The following POLR3C variants were observed in gnomAD, a reference collection of about 807,000 sequenced individuals.
POLR3C encodes DNA-directed RNA polymerase III subunit RPC3.
In POLR3C, 44 loss-of-function variants were observed where a neutral mutation model predicts 65.9. The ratio of observed to expected loss-of-function variants is 0.67; its 90% CI spans 0.52 to 0.86. The LOEUF (loss-of-function observed/expected upper bound fraction) is 0.86. Among genes scored for constraint, POLR3C ranks in the 40% least tolerant of loss-of-function variants. POLR3C has a pLI of 0.00. For missense variants in POLR3C, 576 were observed against 653.2 expected (o/e 0.88, Z 1.29); for synonymous variants, 263 against 231.6 (o/e 1.14, Z -1.23).
In POLR3C at chr1:145,841,012, G is replaced by A; in HGVS notation, c.1464G>A (p.Glu488=). 3 of 1,613,466 alleles carry A rather than the reference G, an allele frequency of 1.9e-6. No individual in the cohort carries two copies. Among genetic ancestry groups the A allele is most frequent in the Non-Finnish European group, 2.5e-6 (3 of 1,179,400 alleles). The change falls in exon 14 of 15, where the codon GAG becomes GAA. Residue 488 remains glutamate, a synonymous_variant. Transcript: ENST00000334163. ...AGGAAGCACAGTTACAAGAAATAGAGGAGATGATCACAGCTCCTGAACGTC... is the reference window on the plus strand; with the variant it reads ...AGGAAGCACAGTTACAAGAAATAGAAGAGATGATCACAGCTCCTGAACGTC... ...GAEEAQLQEI[E]EMITAPERQQ...
intron 5 of POLR3C, among the ~76,000 whole-genome samples, chr1:145,829,871 A>C (rs926661473): frequency 1.3e-5 from 2 of 152,070 alleles, no homozygotes; most frequent in Non-Finnish European, 1.5e-5. Flanking sequence ...ACCATTGCCC[A>C]CTCCTACACT....
rs1553730962 is a variant in POLR3C at position 145,842,793 on chromosome 1, T to TGATCGATAGATAGATAGATAGATA, written c.*376_*377insCGATAGATAGATAGATAGATAGAT. Among the ~76,000 whole-genome samples, 3 of 142,302 alleles carry TGATCGATAGATAGATAGATAGATA rather than the reference T, an allele frequency of 2.1e-5. No individual in the cohort carries two copies. Among genetic ancestry groups the TGATCGATAGATAGATAGATAGATA allele is most frequent in the Non-Finnish European group, 4.4e-5 (3 of 67,748 alleles). 93.4% of individuals were successfully genotyped at this position (142,302 alleles called of 152,430 possible). A position where few individuals can be genotyped will look rare whatever the true frequency, so the allele number is the denominator to read the frequency against. On this transcript the variant is annotated 3_prime_UTR_variant, in exon 15 of 15. Coordinates refer to ENST00000334163, the MANE Select transcript of POLR3C (RefSeq NM_006468.8). ...CTGTTCTTTATTTTGTTGAGATAGG[T>TGATCGATAGATAGATAGATAGATA]GATAGATAGATAGATAGATAGATAA...
chr1:145,832,881 G>T (rs1553727524), intron 5 of POLR3C, among the ~76,000 whole-genome samples: 1 of 152,074 alleles, frequency 6.6e-6, no homozygotes, highest in African/African-American at 2.4e-5. Flanking sequence ...AATTAGCCTA[G>T]CGCAGTGGTG....
intron 7 of POLR3C, among the ~76,000 whole-genome samples, chr1:145,835,616 C>T (rs1254577982): frequency 6.6e-6 from 1 of 151,734 alleles, no homozygotes; most frequent in East Asian, 1.9e-4. Context: ...ACTCTTTCAC[C>T]CAGGCTGGAG....
chr1:145,841,640 A>T (rs1223203857), intron 14 of POLR3C, among the ~76,000 whole-genome samples: 1 of 152,206 alleles, frequency 6.6e-6, no homozygotes, highest in Non-Finnish European at 1.5e-5. Context: ...AAAACAACCA[A>T]CTTTGGTGTT....
At chr1:145,833,016 G>A (rs764999584) in intron 5 of POLR3C, among the ~76,000 whole-genome samples, 25 of 152,150 alleles carry the variant, frequency 1.6e-4, no homozygotes, top group Non-Finnish European at 3.1e-4. Flanking sequence ...GCAAAACTCC[G>A]TCTCAGAAAA....
chr1:145,824,509 G>C, intron 1 of POLR3C, 140 bp downstream of exon 1: 1 of 1,287,766 alleles, frequency 7.8e-7, no homozygotes, highest in Non-Finnish European at 1.0e-6. Flanking sequence ...CAAAGGATCT[G>C]GGAATGCTTC....
chr1:145,834,780 G>A (rs1174688942), intron 7 of POLR3C, among the ~76,000 whole-genome samples: 1 of 152,124 alleles, frequency 6.6e-6, no homozygotes, highest in Non-Finnish European at 1.5e-5. Flanking sequence ...ACGGTCCGTT[G>A]TTGACTAAAA....
At position 145,838,290 on chromosome 1, in the gene POLR3C, C is replaced by A. The variant is rs192982522; in HGVS notation, c.1221+84C>A. ...GCTTCTTAGGCAAACATACTGAACC[C>A]CCAAGCAAACTCTATATCCAGCTCT... On this transcript the variant is annotated intron_variant, in intron 11 of 14. Coordinates refer to ENST00000334163, the MANE Select transcript of POLR3C (RefSeq NM_006468.8). The A allele has an allele frequency of 2.7e-4, 274 of 1,008,798 alleles. 1 individual carries two copies. The highest frequency in any genetic ancestry group is 4.1e-4 in the Non-Finnish European group (264 of 651,628). 62.5% of individuals were successfully genotyped at this position (1,008,798 alleles called of 1,614,324 possible).
In POLR3C at chr1:145,843,440, TCAAA is replaced by T. The variant is rs1394371671; in HGVS notation, c.*1024_*1027del. On this transcript the variant is annotated 3_prime_UTR_variant, in exon 15 of 15. Coordinates refer to ENST00000334163, the MANE Select transcript of POLR3C (RefSeq NM_006468.8). ...TTCTAATTGTTTAAACACTTGAGTGTCAAACAATTGCCAGCCACCATACTAAACA... is the reference window on the plus strand; with the variant it reads ...TTCTAATTGTTTAAACACTTGAGTGTCAATTGCCAGCCACCATACTAAACA... 3.3e-5 allele frequency among the ~76,000 whole-genome samples: 5 copies of T among 152,166 alleles called. No individual in the cohort carries two copies. The highest frequency in any genetic ancestry group is 7.3e-5 in the Non-Finnish European group (5 of 68,038).
intron 11 of POLR3C, chr1:145,839,614 T>C (rs960491011): frequency 3.1e-6 from 1 of 326,580 alleles, no homozygotes; most frequent in South Asian, 5.7e-5. Context: ...ATGCCTGTAG[T>C]TCCGGCTACT....
rs1652480307 is a variant in POLR3C, at chr1:145,844,002, A to G, written c.*1582A>G. ...CTCACCCCAATTCATTACTTTTATCAAGAAGAAAGAATGAATGCTAGTGAG... is the reference window on the plus strand; with the variant it reads ...CTCACCCCAATTCATTACTTTTATCGAGAAGAAAGAATGAATGCTAGTGAG... On this transcript the variant is annotated 3_prime_UTR_variant, in exon 15 of 15. Coordinates refer to ENST00000334163, the MANE Select transcript of POLR3C (RefSeq NM_006468.8). Among the ~76,000 whole-genome samples the G allele has an allele frequency of 6.6e-6, 1 of 152,220 alleles. No homozygotes were observed. Among genetic ancestry groups the G allele is most frequent in the African/African-American group, 2.4e-5 (1 of 41,456 alleles).
chr1:145,842,187 A>G, intron 14 of POLR3C, 152 bp from the exon 15 acceptor site: 1 of 598,012 alleles, frequency 1.7e-6, no homozygotes, highest in South Asian at 2.0e-5. Flanking sequence ...TGCTCGGTAA[A>G]TAGCAAAATG....
intron 7 of POLR3C, 136 bp from the exon 8 acceptor site, chr1:145,836,358 G>C (rs959731860): frequency 2.8e-5 from 18 of 650,328 alleles, no homozygotes; most frequent in East Asian, 2.1e-4. Context: ...GACCCAAAGT[G>C]ATCCACCTGC....
rs1364112287 is a variant in POLR3C at position 145,826,689 on chromosome 1, G to A, written c.383G>A (p.Arg128Gln). ...GCTGTTGTGAAGAAAGTGGCAGACC[G>A]GCTCACAGAGACCATGGAGGGTCAG... ...MSAVVKKVADRLTETMEDGKT... is the reference protein window; with the variant it reads ...MSAVVKKVADQLTETMEDGKT... The change falls in exon 3 of 15, where the codon CGG becomes CAG. Residue 128 changes from arginine (R) to glutamine (Q), a missense_variant. Physicochemically the swap from Arg to Gln is conservative, Grantham distance 43 (BLOSUM62 1). Transcript: ENST00000334163. 5.0e-6 allele frequency: 8 copies of A among 1,614,158 alleles called. No homozygotes were observed. The highest frequency in any genetic ancestry group is 1.1e-5 in the South Asian group (1 of 91,070).
rs1215121312 is a variant in POLR3C at position 145,836,477 on chromosome 1, T to C, written c.877-17T>C. 3.4e-6 allele frequency: 5 copies of C among 1,474,228 alleles called. No individual in the cohort carries two copies. Among genetic ancestry groups the C allele is most frequent in the Non-Finnish European group, 4.7e-6 (5 of 1,053,830 alleles). 91.3% of individuals were successfully genotyped at this position (1,474,228 alleles called of 1,614,324 possible). A position where few individuals can be genotyped will look rare whatever the true frequency, so the allele number is the denominator to read the frequency against. The stretch of plus-strand genomic sequence containing the variant: ...TCTAAGTTCCCAAACCCATTTTAAG[T>C]GTCCTTTGCTCCATAGATCTTCAGA... On this transcript the variant is annotated splice_polypyrimidine_tract_variant and intron_variant, in intron 7 of 14. Transcript: ENST00000334163.
At position 145,843,950 on chromosome 1, in the gene POLR3C, T is replaced by C. The variant is rs587657088; in HGVS notation, c.*1530T>C. Among the ~76,000 whole-genome samples the C allele has an allele frequency of 3.3e-5, 5 of 151,980 alleles. No homozygotes were observed. Among genetic ancestry groups the C allele is most frequent in the Non-Finnish European group, 5.9e-5 (4 of 67,970 alleles). ...TGTTCAACATCACTAATCAGAGAAA[T>C]GGAAATCAAAATCAATGAGATAACA... On this transcript the variant is annotated 3_prime_UTR_variant, in exon 15 of 15. Coordinates refer to ENST00000334163, the MANE Select transcript of POLR3C (RefSeq NM_006468.8).
chr1:145,829,663 G>A (rs1395752860), intron 5 of POLR3C, among the ~76,000 whole-genome samples: 1 of 152,116 alleles, frequency 6.6e-6, no homozygotes, highest in Middle Eastern at 3.2e-3. Flanking sequence ...CTGGAGACAG[G>A]GCTCTTCAAC....
chr1:145,839,694 G>T, intron 11 of POLR3C, 196 bp from the exon 12 acceptor site: 2 of 522,666 alleles, frequency 3.8e-6, no homozygotes, highest in Admixed American at 3.4e-5. Context: ...TCATGCCACC[G>T]CACTCCATCC....
Sources: allele counts gnomAD v4.1 joint callset (sites outside exome capture counted in the v4.1 genomes callset), GRCh38; gene constraint gnomAD v4.1.1; transcripts MANE v1.5; gene names NCBI Gene and HGNC (gene_info 2026-07-23, HGNC 2026-07-21).